Variants in PTGES3 observed in about 807,000 individuals in gnomAD.
PTGES3 encodes prostaglandin E synthase 3.
A neutral mutation model predicts 29.9 loss-of-function variants in PTGES3; 5 were observed. The observed-to-expected ratio is 0.17, with a 90% CI of 0.09 to 0.35. PTGES3 has a LOEUF of 0.35. PTGES3 is among the 10% of genes least tolerant of loss of function. The probability of loss-of-function intolerance (pLI) is 1.00; values close to 1 mark genes in which losing one functional copy is unlikely to be tolerated. For synonymous variants in PTGES3, 49 were observed against 57.8 expected (o/e 0.85, Z 0.69); for missense variants, 128 against 190.0 (o/e 0.67, Z 1.92).
At chr12:56,682,083 G>A (rs1264673279) in intron 1 of PTGES3, among the ~76,000 whole-genome samples, 7 of 152,026 alleles carry the variant, frequency 4.6e-5, no homozygotes, top group African/African-American at 1.2e-4. Context: ...CTGACCACAA[G>A]TGACCTGCCC....
intron 1 of PTGES3, among the ~76,000 whole-genome samples, chr12:56,681,017 C>T (rs933879005): frequency 9.9e-5 from 15 of 152,138 alleles, no homozygotes; most frequent in African/African-American, 3.6e-4. Context: ...GGTGATGCAT[C>T]CACCCCGGCC....
At chr12:56,680,583 G>A (rs758161510) in intron 1 of PTGES3, among the ~76,000 whole-genome samples, 2 of 151,672 alleles carry the variant, frequency 1.3e-5, no homozygotes, top group Non-Finnish European at 2.9e-5. Context: ...GTTTCACCAC[G>A]CTGGTCAGGC....
intron 1 of PTGES3, 152 bp downstream of exon 1, chr12:56,687,846 G>A (rs1952956072): frequency 3.3e-6 from 5 of 1,494,590 alleles, no homozygotes; most frequent in East Asian, 2.6e-5. Flanking sequence ...CCCGCCAACG[G>A]TAACCGGAAC....
At chr12:56,678,474 G>A (rs570873145) in intron 1 of PTGES3, among the ~76,000 whole-genome samples, 143 of 152,284 alleles carry the variant, frequency 9.4e-4, no homozygotes, top group African/African-American at 3.4e-3. Flanking sequence ...ACCATACCCA[G>A]CCTGTTTTGT....
intron 1 of PTGES3, among the ~76,000 whole-genome samples, chr12:56,673,808 A>G (rs1386146366): frequency 6.7e-6 from 1 of 150,336 alleles, no homozygotes; most frequent in African/African-American, 2.5e-5. Context: ...AAAAAAAAAA[A>G]AAAAATTAGC....
At chr12:56,665,455 C>A (rs373192776) in intron 6 of PTGES3, 11 of 912,618 alleles carry the variant, frequency 1.2e-5, no homozygotes, top group Non-Finnish European at 1.4e-5. Flanking sequence ...CCACCATGCC[C>A]GGCTAATTTT....
At chr12:56,665,256 C>G (rs1951741182) in intron 6 of PTGES3, 1 of 902,034 alleles carries the variant, frequency 1.1e-6, no homozygotes, top group Non-Finnish European at 1.3e-6. Flanking sequence ...TTTAGTGTAT[C>G]TTCCTCTTAC....
chr12:56,666,615 G>A (rs1951797163), intron 5 of PTGES3, among the ~76,000 whole-genome samples: 1 of 151,946 alleles, frequency 6.6e-6, no homozygotes, highest in South Asian at 2.1e-4. Flanking sequence ...TAAGTTAGGT[G>A]GAACATGTAT....
At chr12:56,687,282 G>GT in intron 1 of PTGES3, 1 of 995,554 alleles carries the variant, frequency 1.0e-6, no homozygotes, top group Non-Finnish European at 1.2e-6. Context: ...GAAAATGTCC[G>GT]TATCTTTCCA....
chr12:56,666,690 T>C (rs1164832948), intron 5 of PTGES3, among the ~76,000 whole-genome samples: 1 of 152,130 alleles, frequency 6.6e-6, no homozygotes. Context: ...TATGGTGGCG[T>C]GATCTCAGCT....
intron 1 of PTGES3, among the ~76,000 whole-genome samples, chr12:56,677,250 A>C (rs1952299775): frequency 7.9e-6 from 1 of 126,308 alleles, no homozygotes; most frequent in African/African-American, 4.0e-5. Flanking sequence ...GCACCACCCA[A>C]AAAAAAAAAA....
At chr12:56,684,569 T>C (rs1952735159) in intron 1 of PTGES3, among the ~76,000 whole-genome samples, 1 of 152,220 alleles carries the variant, frequency 6.6e-6, no homozygotes, top group Non-Finnish European at 1.5e-5. Context: ...AGACGCAAGT[T>C]TCTGGACAAC....
Position 56,664,792 on chromosome 12 carries a change from T to C in PTGES3, c.447A>G (p.Gln149=). 1 of 1,597,306 alleles carries C rather than the reference T, an allele frequency of 6.3e-7. No homozygotes were observed. The highest frequency in any genetic ancestry group is 1.1e-5 in the South Asian group (1 of 90,200). Residue 149 remains glutamine, a synonymous_variant, in exon 7 of 8, where the codon CAA becomes CAG. Coordinates refer to ENST00000262033, the MANE Select transcript of PTGES3 (RefSeq NM_006601.7). ...PEVDGADDDS[Q]DSDDEKMPDL... ...TACACTTACTTTCATCATCACTGTC[T>C]TGTGAATCCTGAAAGAGGGAAAATA... is the stretch of plus-strand genomic sequence containing the variant.
intron 1 of PTGES3, 42 bp downstream of exon 1, chr12:56,687,956 G>A: frequency 6.2e-7 from 1 of 1,603,216 alleles, no homozygotes; most frequent in African/African-American, 1.3e-5. Flanking sequence ...CGCGGCCTCG[G>A]CCTCACTCGG....
intron 3 of PTGES3, among the ~76,000 whole-genome samples, chr12:56,672,318 A>G (rs1205377237): frequency 6.6e-6 from 1 of 152,122 alleles, no homozygotes; most frequent in Non-Finnish European, 1.5e-5. Context: ...AGCCTGACCA[A>G]CATGGTCTTT....
intron 1 of PTGES3, among the ~76,000 whole-genome samples, chr12:56,678,280 C>T (rs539956716): frequency 1.3e-5 from 2 of 152,192 alleles, no homozygotes; most frequent in East Asian, 1.9e-4. Flanking sequence ...TGGGTTCAAG[C>T]AGTTCTCCTT....
At chr12:56,687,807 G>A (rs941624726) in intron 1 of PTGES3, 191 bp downstream of exon 1, 24 of 1,435,538 alleles carry the variant, frequency 1.7e-5, no homozygotes, top group Admixed American at 2.7e-5. Flanking sequence ...GGTGGGGGAA[G>A]CAGACATCTG....
chr12:56,687,499 G>A, intron 1 of PTGES3: 1 of 996,430 alleles, frequency 1.0e-6, no homozygotes, highest in Non-Finnish European at 1.2e-6. Flanking sequence ...AGCAGTACCT[G>A]CAGCTCACGG....
At chr12:56,684,070 C>T (rs886245150) in intron 1 of PTGES3, among the ~76,000 whole-genome samples, 1 of 152,016 alleles carries the variant, frequency 6.6e-6, no homozygotes, top group Admixed American at 6.6e-5. Flanking sequence ...AAAATATGCT[C>T]ACTAGAGTAT....
Sources: allele counts gnomAD v4.1 joint callset (sites outside exome capture counted in the v4.1 genomes callset), GRCh38; gene constraint gnomAD v4.1.1; transcripts MANE v1.5; gene names NCBI Gene and HGNC (gene_info 2026-07-23, HGNC 2026-07-21).